The following FOXN2 variants were observed in gnomAD, a reference collection of about 807,000 sequenced individuals.
The protein encoded by FOXN2 is forkhead box N2, also known as forkhead box protein N2.
Under a neutral mutation model 41.2 loss-of-function variants are expected in FOXN2, and 19 were observed. The ratio of observed to expected loss-of-function variants is 0.46; its 90% CI spans 0.32 to 0.68. The LOEUF is 0.68. FOXN2 is among the 30% of genes least tolerant of loss of function. The pLI, the probability that FOXN2 is intolerant of heterozygous loss-of-function variation, is 0.03. For missense variants in FOXN2, 587 were observed against 509.4 expected (o/e 1.15, Z -1.47); for synonymous variants, 195 against 176.8 (o/e 1.10, Z -0.82).
chr2:48,362,781 G>T, intron 5 of FOXN2, 74 bp downstream of exon 5: 2 of 1,211,090 alleles, frequency 1.7e-6, no homozygotes, highest in Non-Finnish European at 1.2e-6. Context: ...GCATAACAAT[G>T]GTGGTCCCCT....
rs574980247 is a variant in FOXN2 at position 48,317,595 on chromosome 2, CTTTTTTTTTTTT to C, written c.-157+2800_-157+2811del. Among the ~76,000 whole-genome samples, 265 of 34,752 alleles carry C rather than the reference CTTTTTTTTTTTT, an allele frequency of 7.6e-3. 2 individuals are homozygous for C. Among genetic ancestry groups the C allele is most frequent in the Middle Eastern group, 0.067 (2 of 30 alleles). The allele number at this position is 34,752 out of a possible 152,430, so 22.8% of individuals were successfully genotyped here. On this transcript the variant is annotated intron_variant, in intron 1 of 6. Coordinates refer to ENST00000340553, the MANE Select transcript of FOXN2 (RefSeq NM_002158.4). ...ACAATGCCTATAGCCTATAGTATTG[CTTTTTTTTTTTT>C]TTTTTTTTTTTTTTTTTTGGTGGAG...
chr2:48,372,564 T>C (rs1282964218), intron 5 of FOXN2, among the ~76,000 whole-genome samples: 1 of 152,146 alleles, frequency 6.6e-6, no homozygotes, highest in Non-Finnish European at 1.5e-5. Context: ...TTCAGACTAG[T>C]ATATCACCAA....
chr2:48,358,683 C>T (rs532722824), intron 3 of FOXN2, among the ~76,000 whole-genome samples: 29 of 152,030 alleles, frequency 1.9e-4, no homozygotes, highest in Admixed American at 7.9e-4. Flanking sequence ...ATTTGATACA[C>T]GCAAAAAGGA....
Position 48,377,290 on chromosome 2 carries a change from TA to T in FOXN2, c.*1851del, listed in dbSNP as rs1673313817. The stretch of plus-strand genomic sequence containing the variant: ...GTTAACTTTTATTATAGACAGTGAA[TA>T]AAACACCAAAAACCCAAAAATGCTT... On this transcript the variant is annotated 3_prime_UTR_variant, in exon 7 of 7. Coordinates refer to ENST00000340553, the MANE Select transcript of FOXN2 (RefSeq NM_002158.4). The T allele has an allele frequency of 6.6e-6, 1 of 151,908 alleles. No individual in the cohort carries two copies. Among genetic ancestry groups the T allele is most frequent in the Admixed American group, 6.6e-5 (1 of 15,246 alleles). 9.4% of individuals were successfully genotyped at this position (151,908 alleles called of 1,614,324 possible).
chr2:48,330,153 A>C (rs1020760293), intron 2 of FOXN2, among the ~76,000 whole-genome samples: 1 of 152,116 alleles, frequency 6.6e-6, no homozygotes, highest in Admixed American at 6.6e-5. Context: ...AAAATATATT[A>C]TGTCATTTAT....
At chr2:48,330,917 G>A (rs1320387615) in intron 2 of FOXN2, among the ~76,000 whole-genome samples, 1 of 152,060 alleles carries the variant, frequency 6.6e-6, no homozygotes, top group Admixed American at 6.6e-5. Flanking sequence ...ATAGTTTGAG[G>A]TTAATTATTC....
intron 3 of FOXN2, among the ~76,000 whole-genome samples, chr2:48,357,688 G>A (rs1017742200): frequency 2.0e-5 from 3 of 151,536 alleles, no homozygotes; most frequent in African/African-American, 4.8e-5. Flanking sequence ...CACCTTCGCC[G>A]GCTTCCCAAA....
At chr2:48,374,505 C>T (rs1673104747) in intron 6 of FOXN2, among the ~76,000 whole-genome samples, 1 of 152,032 alleles carries the variant, frequency 6.6e-6, no homozygotes, top group Non-Finnish European at 1.5e-5. Flanking sequence ...GTATATATCC[C>T]TTAGCAATTT....
rs201091119 is a variant in FOXN2, at chr2:48,356,430, G to C, written c.538-2617G>C. Among the ~76,000 whole-genome samples the C allele has an allele frequency of 8.0e-4, 121 of 151,670 alleles. 3 individuals are homozygous for C. The East Asian group carries it at 0.022, about 27-fold the overall frequency. ...CACTCCAGCCTGATTGACACAGCGA[G>C]ACTGTCTCAAAAAAAAAAAAGTTAA... On this transcript the variant is annotated intron_variant, in intron 3 of 6. Transcript: ENST00000340553.
chr2:48,358,883 C>A (rs537186043), intron 3 of FOXN2, among the ~76,000 whole-genome samples, 164 bp from the exon 4 acceptor site: 1 of 51,100 alleles, frequency 2.0e-5, no homozygotes, highest in East Asian at 6.6e-4. Flanking sequence ...TAGGATGAAT[C>A]CCTTTTAGTC....
intron 3 of FOXN2, among the ~76,000 whole-genome samples, chr2:48,351,331 G>T (rs1671435995): frequency 2.0e-5 from 3 of 152,190 alleles, no homozygotes; most frequent in Admixed American, 2.0e-4. Flanking sequence ...AGGCTGGAGT[G>T]CAGTGGTGAG....
chr2:48,316,177 C>A (rs1334129818), intron 1 of FOXN2, among the ~76,000 whole-genome samples: 3 of 151,984 alleles, frequency 2.0e-5, no homozygotes, highest in African/African-American at 4.8e-5. Context: ...CTGTTCCATC[C>A]GAATCTTAAG....
intron 2 of FOXN2, 123 bp from the exon 3 acceptor site, chr2:48,346,078 A>C: frequency 1.3e-6 from 1 of 749,928 alleles, no homozygotes; most frequent in South Asian, 1.9e-5. Flanking sequence ...TTGTGCTTAA[A>C]TATTATGTGG....
chr2:48,362,971 G>A (rs578177988), intron 5 of FOXN2, among the ~76,000 whole-genome samples: 2 of 152,202 alleles, frequency 1.3e-5, no homozygotes, highest in South Asian at 4.1e-4. Context: ...CTTGATAATG[G>A]TAATAAACTA....
chr2:48,353,619 G>A (rs183335949), intron 3 of FOXN2, among the ~76,000 whole-genome samples: 1 of 149,554 alleles, frequency 6.7e-6, no homozygotes, highest in Non-Finnish European at 1.5e-5. Flanking sequence ...AGAGAAAGGG[G>A]GGAGTGATAT....
rs553854480 is a variant in FOXN2 at position 48,376,977 on chromosome 2, T to G, written c.*1534T>G. 6.6e-6 allele frequency: 1 copy of G among 152,328 alleles called. No individual in the cohort carries two copies. The highest frequency in any genetic ancestry group is 2.1e-4 in the South Asian group (1 of 4,830). 9.4% of individuals were successfully genotyped at this position (152,328 alleles called of 1,614,324 possible). ...TATAAAGCATTTTTTAAGAGACAAA[T>G]TTTAACTTTTAATTTTTATTTTGGC... On this transcript the variant is annotated 3_prime_UTR_variant, in exon 7 of 7. Transcript: ENST00000340553.
At position 48,359,167 on chromosome 2, in the gene FOXN2, C is replaced by G; in HGVS notation, c.638+20C>G. The stretch of plus-strand genomic sequence containing the variant: ...ACAAAAGTAAGGATCTTCCATATAA[C>G]TGTCAGTGGTGATTTATAGGATTTC... On this transcript the variant is annotated intron_variant, in intron 4 of 6. Coordinates refer to ENST00000340553, the MANE Select transcript of FOXN2 (RefSeq NM_002158.4). 2 of 1,549,630 alleles carry G rather than the reference C, an allele frequency of 1.3e-6. No homozygotes were observed. The highest frequency in any genetic ancestry group is 1.8e-6 in the Non-Finnish European group (2 of 1,121,920).
Position 48,365,612 on chromosome 2 carries a change from ACTT to A in FOXN2, c.703+2913_703+2915del, listed in dbSNP as rs577206697. Among the ~76,000 whole-genome samples, 89 of 152,264 alleles carry A rather than the reference ACTT, an allele frequency of 5.8e-4. 1 individual carries two copies. The South Asian group carries it at 0.011, about 20-fold the overall frequency. ...GTTTTTCATTTACTAGGGCACAGGT[ACTT>A]CTTCTTCATCTAATGACTTGTACGT... On this transcript the variant is annotated intron_variant, in intron 5 of 6. Coordinates refer to ENST00000340553, the MANE Select transcript of FOXN2 (RefSeq NM_002158.4).
intron 1 of FOXN2, among the ~76,000 whole-genome samples, chr2:48,316,383 A>G (rs2104016258): frequency 6.6e-6 from 1 of 152,298 alleles, no homozygotes; most frequent in African/African-American, 2.4e-5. Flanking sequence ...AAAACCATTA[A>G]TGAGAGATTC....
Sources: allele counts gnomAD v4.1 joint callset (sites outside exome capture counted in the v4.1 genomes callset), GRCh38; gene constraint gnomAD v4.1.1; transcripts MANE v1.5; gene names NCBI Gene and HGNC (gene_info 2026-07-23, HGNC 2026-07-21).